Variants in PCDHA6 observed in about 807,000 individuals in gnomAD.
PCDHA6 encodes the protein protocadherin alpha-6.
Under a neutral mutation model 60.3 loss-of-function variants are expected in PCDHA6, and 55 were observed. That is an observed-to-expected ratio of 0.91 (90% CI 0.73 to 1.14). The LOEUF is 1.14. Among genes scored for constraint, PCDHA6 ranks in the 50% most tolerant of loss-of-function variants. The pLI is 0.00. For missense variants in PCDHA6, 1,327 were observed against 1,256.5 expected (o/e 1.06, Z -0.85); for synonymous variants, 652 against 557.9 (o/e 1.17, Z -2.38).
chr5:140,939,340 A>G (rs1337369012), intron 1 of PCDHA6, among the ~76,000 whole-genome samples: 1 of 152,178 alleles, frequency 6.6e-6, no homozygotes, highest in Non-Finnish European at 1.5e-5. Flanking sequence ...AGGGGTTAGC[A>G]TTTCAACTTA....
chr5:140,878,938 A>G (rs1413471911), intron 1 of PCDHA6, among the ~76,000 whole-genome samples: 1 of 152,226 alleles, frequency 6.6e-6, no homozygotes, highest in African/African-American at 2.4e-5. Flanking sequence ...TTTTAAATAA[A>G]TATATGGTAT....
intron 1 of PCDHA6, among the ~76,000 whole-genome samples, chr5:140,939,296 C>T (rs2153640792): frequency 6.6e-6 from 1 of 152,210 alleles, no homozygotes; most frequent in South Asian, 2.1e-4. Flanking sequence ...CTAATCATCT[C>T]TACAAAAGCC....
intron 1 of PCDHA6, chr5:140,876,809 C>T (rs1554168959): frequency 6.2e-7 from 1 of 1,614,200 alleles, no homozygotes; most frequent in Admixed American, 1.7e-5. Flanking sequence ...GTGGAGGTGG[C>T]CGACGTGAAC....
chr5:141,002,681 C>T (rs556518008), intron 3 of PCDHA6, among the ~76,000 whole-genome samples: 32 of 152,154 alleles, frequency 2.1e-4, no homozygotes, highest in Non-Finnish European at 4.0e-4. Context: ...ACCTATACGA[C>T]GTGCAGATTT....
chr5:140,968,734 C>T, intron 1 of PCDHA6: 1 of 1,614,162 alleles, frequency 6.2e-7, no homozygotes, highest in Non-Finnish European at 8.5e-7. Flanking sequence ...GTAGCACTTT[C>T]AACCTGACCG....
At chr5:140,875,518 C>T in intron 1 of PCDHA6, 1 of 1,614,008 alleles carries the variant, frequency 6.2e-7, no homozygotes, top group Non-Finnish European at 8.5e-7. Flanking sequence ...GCGTCTGCTG[C>T]TCTCGCTTCT....
intron 1 of PCDHA6, chr5:140,883,696 G>A (rs142212706): frequency 6.2e-7 from 1 of 1,613,818 alleles, no homozygotes; most frequent in Non-Finnish European, 8.5e-7. Flanking sequence ...ACATCTTCAC[G>A]GTGTCTGCTC....
intron 1 of PCDHA6, among the ~76,000 whole-genome samples, chr5:140,917,332 G>C (rs182473611): frequency 8.9e-5 from 13 of 145,644 alleles, no homozygotes; most frequent in East Asian, 6.0e-4. Flanking sequence ...GGCGGGGGAG[G>C]GGGGGGATGG....
At chr5:140,862,334 C>A in intron 1 of PCDHA6, 1 of 329,810 alleles carries the variant, frequency 3.0e-6, no homozygotes, top group Non-Finnish European at 6.0e-6. Flanking sequence ...TGTAATTGAC[C>A]CTAACTTCAG....
chr5:140,909,575 G>A (rs114329297), intron 1 of PCDHA6, among the ~76,000 whole-genome samples: 373 of 152,290 alleles, frequency 2.4e-3, no homozygotes, highest in African/African-American at 8.5e-3. Context: ...CCAGAGATGT[G>A]ATATGTTTTT....
chr5:140,929,180 G>A, intron 1 of PCDHA6: 1 of 1,614,150 alleles, frequency 6.2e-7, no homozygotes, highest in Non-Finnish European at 8.5e-7. Context: ...CTGGGACTTG[G>A]TTCTGATAAT....
At chr5:140,959,567 T>A (rs2095496193) in intron 1 of PCDHA6, among the ~76,000 whole-genome samples, 1 of 152,208 alleles carries the variant, frequency 6.6e-6, no homozygotes, top group Non-Finnish European at 1.5e-5. Context: ...AGTACTAGAT[T>A]TTTTGTTTCA....
rs571650734 is a variant in PCDHA6 at position 140,851,052 on chromosome 5, C to T, written c.2394+20567C>T. On this transcript the variant is annotated intron_variant, in intron 1 of 3. Transcript: ENST00000529310. Reference sequence around the variant, plus strand: ...CCCTTAACATTGGAGCCGACTTTGTCTTGACTTCTAGTGAGAATTATAAAC... The same window carrying T: ...CCCTTAACATTGGAGCCGACTTTGTTTTGACTTCTAGTGAGAATTATAAAC... 5 of 1,384,048 alleles carry T rather than the reference C, an allele frequency of 3.6e-6. No individual in the cohort carries two copies. The African/African-American group carries it at 5.9e-5, about 16-fold the overall frequency. The allele number at this position is 1,384,048 out of a possible 1,614,324, so 85.7% of individuals were successfully genotyped here.
intron 1 of PCDHA6, chr5:140,859,356 A>C (rs1159666697): frequency 7.9e-6 from 2 of 251,624 alleles, no homozygotes; most frequent in Admixed American, 9.1e-5. Flanking sequence ...TACTGATCTG[A>C]TATATTGTAT....
At chr5:140,929,207 G>A (rs782298445) in intron 1 of PCDHA6, 6 of 1,614,104 alleles carry the variant, frequency 3.7e-6, no homozygotes, top group East Asian at 2.2e-5. Flanking sequence ...TTGCTGTTGC[G>A]TGGGGAGTAC....
chr5:140,830,986 C>T (rs1391216672), intron 1 of PCDHA6: 8 of 152,242 alleles, frequency 5.3e-5, no homozygotes, highest in Admixed American at 5.2e-4. Context: ...GAACTCTGAT[C>T]ATCATAGTTT....
intron 3 of PCDHA6, among the ~76,000 whole-genome samples, chr5:141,002,136 G>C (rs2153972972): frequency 6.6e-6 from 1 of 152,374 alleles, no homozygotes; most frequent in East Asian, 1.9e-4. Flanking sequence ...GCCTTTGCCG[G>C]CTGCACTGAC....
At chr5:140,862,541 G>A (rs749747760) in intron 1 of PCDHA6, 2 of 445,208 alleles carry the variant, frequency 4.5e-6, no homozygotes, top group Non-Finnish European at 9.1e-6. Context: ...CGGGTCCGTG[G>A]AAGTGGCCGA....
Position 140,828,658 on chromosome 5 carries a change from T to G in PCDHA6, c.567T>G (p.Asn189Lys). Residue 189 changes from asparagine (N) to lysine (K), a missense_variant, in exon 1 of 4, where the codon AAT (asparagine) becomes AAG (lysine). Coordinates refer to ENST00000529310, the MANE Select transcript of PCDHA6 (RefSeq NM_018909.4). ...ATGTGAAAATAAACAGTGATGACAA[T>G]AAACAAATTGGGCTCTTATTAAAGA... ...GLDVKINSDD[N>K]KQIGLLLKKS... is the part of the protein sequence containing the mutation. 2 of 1,614,116 alleles carry G rather than the reference T, an allele frequency of 1.2e-6. No homozygotes were observed. Among genetic ancestry groups the G allele is most frequent in the Non-Finnish European group, 1.7e-6 (2 of 1,180,022 alleles).
Sources: allele counts gnomAD v4.1 joint callset (sites outside exome capture counted in the v4.1 genomes callset), GRCh38; gene constraint gnomAD v4.1.1; transcripts MANE v1.5; gene names NCBI Gene and HGNC (gene_info 2026-07-23, HGNC 2026-07-21).